The following ZNF736 variants were observed in gnomAD, a reference collection of about 807,000 sequenced individuals.
The protein encoded by ZNF736 is zinc finger protein 736.
ZNF736 carries 6 observed loss-of-function variants against 11.7 expected under a neutral mutation model. The observed-to-expected ratio is 0.51, with a 90% CI of 0.28 to 1.01. The LOEUF is 1.01. Among genes scored for constraint, ZNF736 ranks in the 50% least tolerant of loss-of-function variants. The probability of loss-of-function intolerance (pLI) is 0.09; values close to 1 mark genes in which losing one functional copy is unlikely to be tolerated. For missense variants in ZNF736, 444 were observed against 496.0 expected, an observed-to-expected ratio of 0.90 and a Z score of 1.00; for synonymous variants, 139 against 164.7, an observed-to-expected ratio of 0.84 and a Z score of 1.19.
At chr7:64,326,790 T>C in intron 1 of ZNF736, among the ~76,000 whole-genome samples, 1 of 152,188 alleles carries the variant, frequency 6.6e-6, no homozygotes, top group East Asian at 1.9e-4. Flanking sequence ...TTTTCTTAAA[T>C]TCCTTATTGG....
intron 1 of ZNF736, among the ~76,000 whole-genome samples, chr7:64,316,551 T>C (rs1788920321): frequency 6.6e-6 from 1 of 152,224 alleles, no homozygotes; most frequent in African/African-American, 2.4e-5. Context: ...AGAGTGATGA[T>C]CAAGTACTTT....
Position 64,355,767 on chromosome 7 carries a change from A to G in ZNF736, c.*6620A>G, listed in dbSNP as rs1789545882. ...GTGTGATGGAAGAACAAAACCAAACATATGTTATAACCCAAGGAGATTTTA... is the reference window on the plus strand; with the variant it reads ...GTGTGATGGAAGAACAAAACCAAACGTATGTTATAACCCAAGGAGATTTTA... On this transcript the variant is annotated 3_prime_UTR_variant, in exon 4 of 4. Coordinates refer to ENST00000423484, the MANE Select transcript of ZNF736 (RefSeq NM_001170905.3). 1 of 157,640 alleles carries G rather than the reference A, an allele frequency of 6.3e-6. No individual in the cohort carries two copies. The highest frequency in any genetic ancestry group is 2.4e-5 in the African/African-American group (1 of 41,482). The allele number at this position is 157,640 out of a possible 1,614,324, so 9.8% of individuals were successfully genotyped here. A position where few individuals can be genotyped will look rare whatever the true frequency, so the allele number is the denominator to read the frequency against.
At chr7:64,320,450 A>G (rs1281975696) in intron 1 of ZNF736, among the ~76,000 whole-genome samples, 3 of 152,212 alleles carry the variant, frequency 2.0e-5, no homozygotes, top group Non-Finnish European at 4.4e-5. Flanking sequence ...TTATGTATGT[A>G]ATGTTTTTTT....
intron 3 of ZNF736, among the ~76,000 whole-genome samples, chr7:64,344,511 T>C (rs1328264816): frequency 6.6e-6 from 1 of 152,216 alleles, no homozygotes; most frequent in Non-Finnish European, 1.5e-5. Context: ...AGGATGTAAC[T>C]ATTTTACATA....
intron 2 of ZNF736, 151 bp from the exon 3 acceptor site, chr7:64,336,736 T>C: frequency 1.4e-6 from 1 of 715,760 alleles, no homozygotes; most frequent in Non-Finnish European, 2.3e-6. Flanking sequence ...AAATACTTTC[T>C]AAATATTCTA....
In ZNF736 at chr7:64,356,471, T is replaced by TA; in HGVS notation, c.*7331dup. On this transcript the variant is annotated 3_prime_UTR_variant, in exon 4 of 4. Coordinates refer to ENST00000423484, the MANE Select transcript of ZNF736 (RefSeq NM_001170905.3). The stretch of plus-strand genomic sequence containing the variant: ...AAAATGTTTTTAAGTTGCCTATTTT[T>TA]AAAAAAATCTATCAATTTTGAATTG... Among the ~76,000 whole-genome samples the TA allele has an allele frequency of 6.6e-6, 1 of 152,290 alleles. No homozygotes were observed. Among genetic ancestry groups the TA allele is most frequent in the South Asian group, 2.1e-4 (1 of 4,832 alleles).
At chr7:64,318,494 C>T (rs1788947762) in intron 1 of ZNF736, among the ~76,000 whole-genome samples, 1 of 151,992 alleles carries the variant, frequency 6.6e-6, no homozygotes, top group African/African-American at 2.4e-5. Context: ...CTAATATACT[C>T]ATCTAAAGTT....
intron 3 of ZNF736, among the ~76,000 whole-genome samples, chr7:64,341,308 C>CT (rs1358229754): frequency 7.6e-6 from 1 of 131,928 alleles, no homozygotes; most frequent in East Asian, 3.0e-4. Context: ...GGTATGTTTT[C>CT]TGTCTTTTTT....
chr7:64,338,941 C>T (rs767556238), intron 3 of ZNF736, among the ~76,000 whole-genome samples: 7 of 151,352 alleles, frequency 4.6e-5, no homozygotes, highest in African/African-American at 9.7e-5. Flanking sequence ...AAAAATTGTA[C>T]GTCACTAAAA....
chr7:64,326,967 A>G (rs928061266), intron 1 of ZNF736, among the ~76,000 whole-genome samples: 1 of 152,160 alleles, frequency 6.6e-6, no homozygotes, highest in Non-Finnish European at 1.5e-5. Flanking sequence ...GACCTAGCTT[A>G]TGGTCCATCC....
At chr7:64,333,869 C>T (rs1319658789) in intron 1 of ZNF736, among the ~76,000 whole-genome samples, 1 of 152,188 alleles carries the variant, frequency 6.6e-6, no homozygotes, top group Non-Finnish European at 1.5e-5. Context: ...AAGCTGGAGG[C>T]ATCACGCTAC....
rs772768174 is a variant in ZNF736 at position 64,349,406 on chromosome 7, T to G, written c.*259T>G. On this transcript the variant is annotated 3_prime_UTR_variant, in exon 4 of 4. Transcript: ENST00000423484. ...AGAAACTAGGATTGCAACCCCTGCTTCTTTTCCTGTTTTCTATTTGCTTGG... is the reference window on the plus strand; with the variant it reads ...AGAAACTAGGATTGCAACCCCTGCTGCTTTTCCTGTTTTCTATTTGCTTGG... 5.1e-5 allele frequency: 16 copies of G among 315,482 alleles called. No individual in the cohort carries two copies. The highest frequency in any genetic ancestry group is 7.5e-5 in the Non-Finnish European group (13 of 173,482). The allele number at this position is 315,482 out of a possible 1,614,324, so 19.5% of individuals were successfully genotyped here. A position where few individuals can be genotyped will look rare whatever the true frequency, so the allele number is the denominator to read the frequency against.
chr7:64,331,517 T>C (rs620871), intron 1 of ZNF736, among the ~76,000 whole-genome samples: 87,165 of 151,978 alleles, frequency 0.57, 25,696 homozygotes, highest in Middle Eastern at 0.68. Context: ...CTAGGTCCTG[T>C]GATCACTCCC....
intron 3 of ZNF736, among the ~76,000 whole-genome samples, chr7:64,341,040 TTTTA>T (rs2115947303): frequency 6.6e-6 from 1 of 152,204 alleles, no homozygotes; most frequent in South Asian, 2.1e-4. Context: ...ACTTTTTTTG[TTTTA>T]TTTTTTCATG....
In ZNF736 at chr7:64,355,807, TC is replaced by T. The variant is rs1465516226; in HGVS notation, c.*6662del. 5.9e-6 allele frequency: 1 copy of T among 169,992 alleles called. No individual in the cohort carries two copies. Among genetic ancestry groups the T allele is most frequent in the African/African-American group, 2.4e-5 (1 of 41,974 alleles). 10.5% of individuals were successfully genotyped at this position (169,992 alleles called of 1,614,324 possible). A position where few individuals can be genotyped will look rare whatever the true frequency, so the allele number is the denominator to read the frequency against. On this transcript the variant is annotated 3_prime_UTR_variant, in exon 4 of 4. Coordinates refer to ENST00000423484, the MANE Select transcript of ZNF736 (RefSeq NM_001170905.3). ...AGGAGATTTTATTTCTGCCCTGCTTTCCTGGGCTCTCAGAAGTGTAGTTCTG... is the reference window on the plus strand; with the variant it reads ...AGGAGATTTTATTTCTGCCCTGCTTTCTGGGCTCTCAGAAGTGTAGTTCTG...
intron 1 of ZNF736, among the ~76,000 whole-genome samples, chr7:64,315,620 T>C (rs1387181064): frequency 6.6e-6 from 1 of 152,152 alleles, no homozygotes; most frequent in Non-Finnish European, 1.5e-5. Context: ...CAGGGCACCA[T>C]GGCCACTTCA....
chr7:64,328,300 C>G (rs1403413122), intron 1 of ZNF736, among the ~76,000 whole-genome samples: 7 of 147,288 alleles, frequency 4.8e-5, no homozygotes, highest in Admixed American at 1.4e-4. Flanking sequence ...ATGTATTATT[C>G]TAGGATAAAA....
chr7:64,328,823 G>A (rs1319858868), intron 1 of ZNF736, among the ~76,000 whole-genome samples: 2 of 152,026 alleles, frequency 1.3e-5, no homozygotes, highest in Admixed American at 6.5e-5. Context: ...TAACCTTCTT[G>A]TACTTGAATA....
rs1347204470 is a variant in ZNF736, at chr7:64,354,805, C to T, written c.*5658C>T. The T allele has an allele frequency of 6.6e-6, 1 of 152,080 alleles. No individual in the cohort carries two copies. Among genetic ancestry groups the T allele is most frequent in the Non-Finnish European group, 1.5e-5 (1 of 68,020 alleles). 9.4% of individuals were successfully genotyped at this position (152,080 alleles called of 1,614,324 possible). On this transcript the variant is annotated 3_prime_UTR_variant, in exon 4 of 4. Coordinates refer to ENST00000423484, the MANE Select transcript of ZNF736 (RefSeq NM_001170905.3). ...TTTTGTTTAGTTACTGTTCATTTTACTTTATAAAATTGACATAATTGAGTT... is the reference window on the plus strand; with the variant it reads ...TTTTGTTTAGTTACTGTTCATTTTATTTTATAAAATTGACATAATTGAGTT...
Sources: allele counts gnomAD v4.1 joint callset (sites outside exome capture counted in the v4.1 genomes callset), GRCh38; gene constraint gnomAD v4.1.1; transcripts MANE v1.5; gene names NCBI Gene and HGNC (gene_info 2026-07-23, HGNC 2026-07-21).